Variants in ALK observed in about 807,000 individuals in gnomAD.
ALK encodes ALK tyrosine kinase receptor.
A neutral mutation model predicts 163.1 loss-of-function variants in ALK; 74 were observed. That is an observed-to-expected ratio of 0.45 (90% CI 0.38 to 0.55). The LOEUF is 0.55. ALK is among the 20% of genes least tolerant of loss of function. ALK has a pLI of 0.00. For synonymous variants in ALK, 960 were observed against 843.2 expected (o/e 1.14, Z -2.40); for missense variants, 2,063 against 2,105.3 (o/e 0.98, Z 0.39).
intron 1 of ALK, among the ~76,000 whole-genome samples, chr2:29,852,804 CT>C (rs1666031351): frequency 6.6e-6 from 1 of 151,182 alleles, no homozygotes; most frequent in South Asian, 2.1e-4. Context: ...GATTAGTGCC[CT>C]TAGAAAGGGA....
At chr2:29,729,616 A>G (rs2253792) in intron 1 of ALK, among the ~76,000 whole-genome samples, 104,244 of 151,980 alleles carry the variant, frequency 0.69, 38,171 homozygotes, top group Non-Finnish European at 0.82. Flanking sequence ...AGGAAATTCA[A>G]TGGCCCACAT....
At chr2:29,390,555 C>T (rs1186266752) in intron 4 of ALK, among the ~76,000 whole-genome samples, 5 of 144,336 alleles carry the variant, frequency 3.5e-5, no homozygotes, top group Non-Finnish European at 7.5e-5. Flanking sequence ...GGGAGTTTGT[C>T]TGGATCAATA....
chr2:29,612,599 C>T lies in ALK; in HGVS notation c.953-80483G>A, dbSNP rs145483754. On this transcript the variant is annotated intron_variant, in intron 3 of 28. Transcript: ENST00000389048. Reference sequence around the variant, plus strand: ...ACTTTCCAATCAATGCTCCCGAATTCCCCCAAAACTTACTGAAACTTCTCT... The same window carrying T: ...ACTTTCCAATCAATGCTCCCGAATTTCCCCAAAACTTACTGAAACTTCTCT... Among the ~76,000 whole-genome samples the T allele has an allele frequency of 5.5e-3, 838 of 152,300 alleles. 8 individuals are homozygous for T. Among genetic ancestry groups the T allele is most frequent in the African/African-American group, 0.018 (737 of 41,560 alleles).
intron 4 of ALK, among the ~76,000 whole-genome samples, chr2:29,509,964 C>T (rs1672464627): frequency 6.6e-6 from 1 of 152,178 alleles, no homozygotes; most frequent in African/African-American, 2.4e-5. Context: ...AGAATGACCA[C>T]CCAGTGGCTT....
chr2:29,841,929 G>A (rs372215994), intron 1 of ALK, among the ~76,000 whole-genome samples: 4 of 152,098 alleles, frequency 2.6e-5, no homozygotes, highest in African/African-American at 9.7e-5. Context: ...GGTACACAGT[G>A]TAATGACGTA....
At chr2:29,618,847 C>G (rs1015100843) in intron 3 of ALK, among the ~76,000 whole-genome samples, 1 of 152,078 alleles carries the variant, frequency 6.6e-6, no homozygotes, top group African/African-American at 2.4e-5. Context: ...GGGGTGGTGG[C>G]GCACGCCTGT....
chr2:29,201,092 GAAA>G (rs1157332043), intron 26 of ALK, among the ~76,000 whole-genome samples: 1 of 143,528 alleles, frequency 7.0e-6, no homozygotes, highest in African/African-American at 2.5e-5. Context: ...TATGATTAAA[GAAA>G]AAAAAAAACA....
intron 9 of ALK, among the ~76,000 whole-genome samples, chr2:29,289,556 G>A (rs904954206): frequency 5.3e-5 from 8 of 152,180 alleles, no homozygotes; most frequent in African/African-American, 1.9e-4. Flanking sequence ...CATGAGTAGA[G>A]AGCACCTTTT....
chr2:29,452,323 GT>G (rs1221437780), intron 4 of ALK, among the ~76,000 whole-genome samples: 3 of 79,496 alleles, frequency 3.8e-5, no homozygotes, highest in African/African-American at 1.3e-4. Flanking sequence ...TCTCACTCAA[GT>G]TTTTTTTGTT....
intron 9 of ALK, among the ~76,000 whole-genome samples, chr2:29,283,021 A>G (rs909449778): frequency 2.6e-5 from 4 of 151,974 alleles, no homozygotes; most frequent in Middle Eastern, 3.2e-3. Context: ...CTGGGTTTTG[A>G]TGAGGAAAGA....
intron 1 of ALK, among the ~76,000 whole-genome samples, chr2:29,783,583 T>C (rs1485658892): frequency 6.6e-6 from 1 of 152,124 alleles, no homozygotes; most frequent in Non-Finnish European, 1.5e-5. Flanking sequence ...AAGAAAAAAA[T>C]TAAAAATATC....
chr2:29,211,342 T>C (rs915924085), intron 24 of ALK, among the ~76,000 whole-genome samples: 1 of 103,684 alleles, frequency 9.6e-6, no homozygotes, highest in Non-Finnish European at 2.0e-5. Context: ...TCAAGAGAAA[T>C]ATAGCAAAGT....
At chr2:29,841,452 G>A (rs994330306) in intron 1 of ALK, among the ~76,000 whole-genome samples, 3 of 152,190 alleles carry the variant, frequency 2.0e-5, no homozygotes, top group Admixed American at 6.5e-5. Context: ...TCTTCCATTT[G>A]CACCTTTATC....
At chr2:29,459,497 T>A (rs1275314367) in intron 4 of ALK, among the ~76,000 whole-genome samples, 1 of 152,112 alleles carries the variant, frequency 6.6e-6, no homozygotes, top group East Asian at 1.9e-4. Flanking sequence ...GGCGGAAATC[T>A]TTGATTGTTG....
intron 3 of ALK, among the ~76,000 whole-genome samples, chr2:29,627,949 A>G (rs944593994): frequency 2.0e-5 from 3 of 152,234 alleles, no homozygotes; most frequent in Admixed American, 6.5e-5. Flanking sequence ...GCTTCGGAGC[A>G]TCAAACCTTG....
At chr2:29,632,879 G>A (rs1265490585) in intron 3 of ALK, among the ~76,000 whole-genome samples, 1 of 152,304 alleles carries the variant, frequency 6.6e-6, no homozygotes, top group East Asian at 1.9e-4. Context: ...CAGATCTCAT[G>A]AGACTTATTT....
At chr2:29,564,473 T>C (rs1674120503) in intron 3 of ALK, among the ~76,000 whole-genome samples, 1 of 149,778 alleles carries the variant, frequency 6.7e-6, no homozygotes, top group African/African-American at 2.5e-5. Context: ...GAGAAGACTC[T>C]CTTCCTAGCT....
chr2:29,300,267 G>A (rs529089494), intron 8 of ALK, among the ~76,000 whole-genome samples: 39 of 152,218 alleles, frequency 2.6e-4, no homozygotes, highest in African/African-American at 8.2e-4. Context: ...GCACATACCT[G>A]GCCGGGCACG....
intron 5 of ALK, among the ~76,000 whole-genome samples, chr2:29,368,590 T>C (rs187576100): frequency 8.5e-5 from 13 of 152,328 alleles, no homozygotes; most frequent in African/African-American, 2.4e-4. Flanking sequence ...GACCAGTTTA[T>C]ATGTCTGATA....
Sources: gnomAD v4.1 joint callset for allele counts (sites outside exome capture counted in the v4.1 genomes callset) on GRCh38, gnomAD v4.1.1 for gene constraint, MANE v1.5 for transcripts, NCBI Gene and HGNC (gene_info 2026-07-23, HGNC 2026-07-21) for gene names.